The following MARCHF1 variants were observed in gnomAD, a reference collection of about 807,000 sequenced individuals.
MARCHF1 encodes the protein E3 ubiquitin-protein ligase MARCHF1.
MARCHF1 carries 40 observed loss-of-function variants against 54.2 expected under a neutral mutation model. The observed-to-expected ratio is 0.74, with a 90% CI of 0.57 to 0.96. The LOEUF is 0.96. Among genes scored for constraint, MARCHF1 ranks in the 40% least tolerant of loss-of-function variants. MARCHF1 has a pLI of 0.00. For missense variants in MARCHF1, 586 were observed against 656.5 expected, an observed-to-expected ratio of 0.89 and a Z score of 1.17; for synonymous variants, 236 against 236.3, an observed-to-expected ratio of 1.00 and a Z score of 0.01.
rs144413936 is a variant in MARCHF1 at position 163,780,160 on chromosome 4, T to A, written c.111+73861A>T. On this transcript the variant is annotated intron_variant, in intron 4 of 9. Transcript: ENST00000514618. ...AAAAGGGCCTATAGTTGTTTAACAC[T>A]TAAGGGAAATCTCAGAATTCCAAAT... Among the ~76,000 whole-genome samples, 1,038 of 152,348 alleles carry A rather than the reference T, an allele frequency of 6.8e-3. 8 individuals carry two copies. The highest frequency in any genetic ancestry group is 0.03 in the South Asian group (147 of 4,826).
At chr4:163,676,319 T>G (rs1743918453) in intron 5 of MARCHF1, among the ~76,000 whole-genome samples, 1 of 149,448 alleles carries the variant, frequency 6.7e-6, no homozygotes, top group Non-Finnish European at 1.5e-5. Context: ...GTTGCGCCAT[T>G]GCACTCCAGC....
intron 2 of MARCHF1, among the ~76,000 whole-genome samples, chr4:164,043,996 G>T (rs1156378923): frequency 6.6e-6 from 1 of 152,024 alleles, no homozygotes; most frequent in Admixed American, 6.5e-5. Context: ...CTCCATCTGA[G>T]ACCACCTCAG....
At chr4:164,116,788 C>T (rs1560912062) in intron 1 of MARCHF1, among the ~76,000 whole-genome samples, 1 of 151,734 alleles carries the variant, frequency 6.6e-6, no homozygotes, top group Non-Finnish European at 1.5e-5. Context: ...TGTATGCATA[C>T]CATTTAAATT....
chr4:164,327,328 A>T (rs1386332452), intron 1 of MARCHF1, among the ~76,000 whole-genome samples: 1 of 152,164 alleles, frequency 6.6e-6, no homozygotes, highest in Non-Finnish European at 1.5e-5. Flanking sequence ...GACTGTTGAG[A>T]CGAGTCTTAA....
chr4:163,835,441 G>T (rs1209330849), intron 4 of MARCHF1, among the ~76,000 whole-genome samples: 1 of 152,206 alleles, frequency 6.6e-6, no homozygotes, highest in Non-Finnish European at 1.5e-5. Flanking sequence ...GCAAGTGGAG[G>T]TGTAGACAGA....
chr4:164,151,010 G>GA (rs1560928983), intron 1 of MARCHF1, among the ~76,000 whole-genome samples: 1 of 152,126 alleles, frequency 6.6e-6, no homozygotes, highest in African/African-American at 2.4e-5. Context: ...TGCTGGCTTG[G>GA]AAGATGAAAG....
At chr4:163,571,214 G>T (rs1739833212) in intron 8 of MARCHF1, among the ~76,000 whole-genome samples, 1 of 152,012 alleles carries the variant, frequency 6.6e-6, no homozygotes, top group Non-Finnish European at 1.5e-5. Flanking sequence ...GACCTGTCTG[G>T]AATTACTAGA....
At chr4:163,754,635 T>TC (rs1376933980) in intron 4 of MARCHF1, among the ~76,000 whole-genome samples, 1 of 152,178 alleles carries the variant, frequency 6.6e-6, no homozygotes, top group African/African-American at 2.4e-5. Flanking sequence ...CATCCATTCT[T>TC]CCCATCACCT....
At chr4:163,927,648 T>C (rs1751564985) in intron 3 of MARCHF1, among the ~76,000 whole-genome samples, 1 of 151,774 alleles carries the variant, frequency 6.6e-6, no homozygotes, top group South Asian at 2.1e-4. Context: ...TGCAGAGTAA[T>C]TTTAGAGTAA....
chr4:163,860,772 A>T (rs1749906712), intron 3 of MARCHF1, among the ~76,000 whole-genome samples: 1 of 152,202 alleles, frequency 6.6e-6, no homozygotes, highest in Admixed American at 6.5e-5. Flanking sequence ...CAAAGGCAAC[A>T]GGATAGACAA....
intron 3 of MARCHF1, among the ~76,000 whole-genome samples, chr4:163,921,920 A>C (rs939591357): frequency 6.6e-6 from 1 of 152,136 alleles, no homozygotes; most frequent in African/African-American, 2.4e-5. Flanking sequence ...ACATGCACAC[A>C]TATGTTTATT....
At chr4:164,170,077 GGCAGAT>G (rs1297895118) in intron 1 of MARCHF1, among the ~76,000 whole-genome samples, 3 of 151,942 alleles carry the variant, frequency 2.0e-5, no homozygotes, top group Non-Finnish European at 2.9e-5. Context: ...TTCCCACAAA[GGCAGAT>G]GTACAGGGAA....
At chr4:163,931,332 G>T (rs546711093) in intron 3 of MARCHF1, among the ~76,000 whole-genome samples, 2 of 152,134 alleles carry the variant, frequency 1.3e-5, no homozygotes, top group Non-Finnish European at 2.9e-5. Context: ...TTGAATGCAT[G>T]TATCTCCCCA....
In MARCHF1 at chr4:164,246,576, G is replaced by A. The variant is rs556012508; in HGVS notation, c.-322-134914C>T. On this transcript the variant is annotated intron_variant, in intron 1 of 9. Coordinates refer to ENST00000514618, the MANE Select transcript of MARCHF1 (RefSeq NM_001394959.1). ...CATGTCTAAAACACCAAAAGCAATG[G>A]CAATGGCAACAAAAGACAAAATTGA... Among the ~76,000 whole-genome samples, 7 of 41,020 alleles carry A rather than the reference G, an allele frequency of 1.7e-4. 2 individuals carry two copies. Among genetic ancestry groups the A allele is most frequent in the African/African-American group, 4.2e-4 (7 of 16,646 alleles). 26.9% of individuals were successfully genotyped at this position (41,020 alleles called of 152,430 possible). A position where few individuals can be genotyped will look rare whatever the true frequency, so the allele number is the denominator to read the frequency against.
chr4:164,014,900 A>AAG (rs967351338), intron 2 of MARCHF1, among the ~76,000 whole-genome samples: 23 of 152,196 alleles, frequency 1.5e-4, no homozygotes, highest in African/African-American at 4.1e-4. Context: ...ATTAGAGCTA[A>AAG]AGAGAGAGAG....
rs1391096755 is a variant in MARCHF1, at chr4:163,561,041, CT to C, written c.1192-15299del. ...CTTGCTTTATTGCACTGGCTAGAAC[CT>C]TCAATGAAATGTCAAATAACAGTTT... On this transcript the variant is annotated intron_variant, in intron 8 of 9. Transcript: ENST00000514618. Among the ~76,000 whole-genome samples, 8 of 152,074 alleles carry C rather than the reference CT, an allele frequency of 5.3e-5. No individual in the cohort carries two copies. In the East Asian group the frequency reaches 1.5e-3, roughly 29 times the overall value.
At chr4:163,800,426 T>C (rs1011383153) in intron 4 of MARCHF1, among the ~76,000 whole-genome samples, 2 of 152,016 alleles carry the variant, frequency 1.3e-5, no homozygotes, top group South Asian at 2.1e-4. Context: ...TGCTACTTTA[T>C]GATATTAAAA....
chr4:163,730,501 G>T (rs1202796024), intron 4 of MARCHF1, among the ~76,000 whole-genome samples: 3 of 152,008 alleles, frequency 2.0e-5, no homozygotes, highest in Admixed American at 1.3e-4. Flanking sequence ...GAATGTAATT[G>T]TGTGGTAACT....
chr4:163,674,677 C>T (rs1012593421), intron 5 of MARCHF1, among the ~76,000 whole-genome samples: 14 of 152,102 alleles, frequency 9.2e-5, no homozygotes, highest in African/African-American at 3.4e-4. Context: ...ACACTAGATA[C>T]CTGACTAATG....
Sources: gnomAD v4.1 joint callset for allele counts (sites outside exome capture counted in the v4.1 genomes callset) on GRCh38, gnomAD v4.1.1 for gene constraint, MANE v1.5 for transcripts, NCBI Gene and HGNC (gene_info 2026-07-23, HGNC 2026-07-21) for gene names.